PALM2AKAP2: variants seen among roughly 807,000 people sequenced by gnomAD.
PALM2AKAP2 encodes the protein PALM2-AKAP2 fusion protein.
PALM2AKAP2 carries 37 observed loss-of-function variants against 71.5 expected under a neutral mutation model. The ratio of observed to expected loss-of-function variants is 0.52; its 90% CI spans 0.40 to 0.68. PALM2AKAP2 has a LOEUF of 0.68. PALM2AKAP2 is among the 30% of genes least tolerant of loss of function. PALM2AKAP2 has a pLI of 0.00. For missense variants in PALM2AKAP2, 1,224 were observed against 1,191.8 expected, an observed-to-expected ratio of 1.03 and a Z score of -0.40; for synonymous variants, 468 against 478.8, an observed-to-expected ratio of 0.98 and a Z score of 0.29.
chr9:109,804,039 A>T (rs1266087196), intron 1 of PALM2AKAP2, among the ~76,000 whole-genome samples: 1 of 152,212 alleles, frequency 6.6e-6, no homozygotes, highest in African/African-American at 2.4e-5. Context: ...GACAACTCCC[A>T]GCCAGGCTCT....
rs370778006 is a variant in PALM2AKAP2 at position 109,998,109 on chromosome 9, C to G, written c.497-17845C>G. Among the ~76,000 whole-genome samples, 27 of 148,618 alleles carry G rather than the reference C, an allele frequency of 1.8e-4. 1 individual carries two copies. Among genetic ancestry groups the G allele is most frequent in the African/African-American group, 6.5e-4 (27 of 41,478 alleles). On this transcript the variant is annotated intron_variant, in intron 6 of 9. Coordinates refer to the PALM2AKAP2 transcript ENST00000302798. ...GCAGAGACTCTAGTGAGGAAGAGAG[C>G]TAACCCCATTCTTTTTGTTGTGATC... is the stretch of plus-strand genomic sequence containing the variant.
chr9:109,688,115 G>A (rs1379132891), intron 1 of PALM2AKAP2, among the ~76,000 whole-genome samples: 9 of 152,138 alleles, frequency 5.9e-5, no homozygotes, highest in Admixed American at 5.9e-4. Flanking sequence ...TAACAGATAT[G>A]ATAATGATGA....
chr9:109,998,761 T>G (rs1288236977), intron 6 of PALM2AKAP2, among the ~76,000 whole-genome samples: 3 of 112,088 alleles, frequency 2.7e-5, no homozygotes, highest in African/African-American at 8.1e-5. Flanking sequence ...CGAGACCCTG[T>G]CGCAAAAAAA....
At chr9:110,164,509 T>C (rs1363781454) in intron 3 of PALM2AKAP2, among the ~76,000 whole-genome samples, 1 of 149,464 alleles carries the variant, frequency 6.7e-6, no homozygotes, top group Non-Finnish European at 1.5e-5. Flanking sequence ...AATAAAACTT[T>C]GTTTATTTAT....
At chr9:110,043,294 A>G (rs577041106) in intron 7 of PALM2AKAP2, among the ~76,000 whole-genome samples, 4 of 152,316 alleles carry the variant, frequency 2.6e-5, no homozygotes, top group Admixed American at 2.0e-4. Context: ...TTAAAAGTGT[A>G]TATTAAATAT....
chr9:110,043,708 T>C (rs1434154208), upstream of PALM2AKAP2, among the ~76,000 whole-genome samples: 1 of 144,242 alleles, frequency 6.9e-6, no homozygotes, highest in Non-Finnish European at 1.5e-5. Flanking sequence ...AACTACGTTT[T>C]TTTTGGTGTT....
chr9:109,775,571 A>T (rs1392739054), upstream of PALM2AKAP2, among the ~76,000 whole-genome samples: 4 of 152,236 alleles, frequency 2.6e-5, no homozygotes, highest in Non-Finnish European at 4.4e-5. Context: ...TATGTTTTAA[A>T]TGACCATTTA....
intron 3 of PALM2AKAP2, among the ~76,000 whole-genome samples, chr9:109,887,307 A>G (rs1213009593): frequency 6.6e-6 from 1 of 152,188 alleles, no homozygotes; most frequent in African/African-American, 2.4e-5. Context: ...CACATTTGCT[A>G]TTTTTAACTC....
intron 1 of PALM2AKAP2, among the ~76,000 whole-genome samples, chr9:109,715,547 C>A (rs1442743571): frequency 6.6e-6 from 1 of 152,168 alleles, no homozygotes; most frequent in Admixed American, 6.5e-5. Flanking sequence ...TCCAGCCGCT[C>A]AGCCTGCTGT....
chr9:109,972,795 C>G (rs1832095166), intron 6 of PALM2AKAP2, among the ~76,000 whole-genome samples: 1 of 152,192 alleles, frequency 6.6e-6, no homozygotes, highest in African/African-American at 2.4e-5. Context: ...TACCACGTGA[C>G]TTTTGTCTCC....
chr9:109,709,176 A>G (rs1828188959), intron 1 of PALM2AKAP2, among the ~76,000 whole-genome samples: 1 of 152,224 alleles, frequency 6.6e-6, no homozygotes, highest in South Asian at 2.1e-4. Context: ...CACAGCCCAC[A>G]TCCTGGGGCA....
At chr9:110,012,097 G>A (rs1045319369) in intron 6 of PALM2AKAP2, among the ~76,000 whole-genome samples, 3 of 152,016 alleles carry the variant, frequency 2.0e-5, no homozygotes, top group Admixed American at 6.6e-5. Flanking sequence ...GAGTTAGACC[G>A]GTCTGACCAA....
At chr9:109,888,416 A>G (rs1830013425) in intron 3 of PALM2AKAP2, among the ~76,000 whole-genome samples, 1 of 152,152 alleles carries the variant, frequency 6.6e-6, no homozygotes, top group South Asian at 2.1e-4. Flanking sequence ...GTCAGTAAGA[A>G]TAGTGCTGTT....
intron 1 of PALM2AKAP2, among the ~76,000 whole-genome samples, chr9:109,683,773 G>T (rs950448541): frequency 1.4e-4 from 21 of 152,022 alleles, no homozygotes; most frequent in African/African-American, 4.8e-4. Context: ...ATGCTGGTAG[G>T]TTAGATTACT....
At chr9:110,070,891 G>C (rs1834189925) in intron 1 of PALM2AKAP2, among the ~76,000 whole-genome samples, 1 of 152,102 alleles carries the variant, frequency 6.6e-6, no homozygotes, top group Non-Finnish European at 1.5e-5. Flanking sequence ...GCCAGGTGTG[G>C]TAGCTCATGC....
chr9:109,985,546 G>C (rs1490754062), intron 6 of PALM2AKAP2, among the ~76,000 whole-genome samples: 1 of 151,648 alleles, frequency 6.6e-6, no homozygotes, highest in Admixed American at 6.6e-5. Context: ...CGTGAACCTG[G>C]GGGGTGGAGC....
At chr9:109,797,861 C>T (rs1827309390) in intron 1 of PALM2AKAP2, among the ~76,000 whole-genome samples, 1 of 152,178 alleles carries the variant, frequency 6.6e-6, no homozygotes, top group African/African-American at 2.4e-5. Context: ...AGTGTTCTTC[C>T]TAATTTGGAC....
chr9:110,019,863 GT>G (rs1564263784), intron 7 of PALM2AKAP2, among the ~76,000 whole-genome samples: 2 of 152,144 alleles, frequency 1.3e-5, no homozygotes, highest in Non-Finnish European at 2.9e-5. Flanking sequence ...TGGGTGATGG[GT>G]TCAGTAGAAG....
intron 2 of PALM2AKAP2, among the ~76,000 whole-genome samples, chr9:110,150,608 C>T (rs1437575622): frequency 6.6e-6 from 1 of 152,200 alleles, no homozygotes. Flanking sequence ...TTCTTTTTAC[C>T]TCTAAAGCAA....
Sources: gnomAD v4.1 joint callset for allele counts (sites outside exome capture counted in the v4.1 genomes callset) on GRCh38, gnomAD v4.1.1 for gene constraint, MANE v1.5 for transcripts, NCBI Gene and HGNC (gene_info 2026-07-23, HGNC 2026-07-21) for gene names.